The following TAF2 variants were observed in gnomAD, a reference collection of about 807,000 sequenced individuals.
The protein encoded by TAF2 is transcription initiation factor TFIID subunit 2.
A neutral mutation model predicts 138.5 loss-of-function variants in TAF2; 61 were observed. The observed-to-expected ratio is 0.44, with a 90% CI of 0.36 to 0.54. The LOEUF (loss-of-function observed/expected upper bound fraction) is 0.54, where lower values mean the gene tolerates loss of function less well. Ranked by LOEUF, TAF2 falls within the 20% of genes least tolerant of loss-of-function variation. The probability of loss-of-function intolerance (pLI) is 0.00; values close to 1 mark genes in which losing one functional copy is unlikely to be tolerated. For synonymous variants in TAF2, 475 were observed against 469.9 expected (o/e 1.01, Z -0.14); for missense variants, 1,090 against 1,427.9 (o/e 0.76, Z 3.81).
chr8:119,780,387 T>C (rs1302511025), intron 17 of TAF2, among the ~76,000 whole-genome samples: 1 of 152,212 alleles, frequency 6.6e-6, no homozygotes, highest in Non-Finnish European at 1.5e-5. Context: ...CTTATGCATG[T>C]GCAAACTGCT....
chr8:119,743,698 G>A (rs911254181), intron 24 of TAF2, among the ~76,000 whole-genome samples: 4 of 151,810 alleles, frequency 2.6e-5, no homozygotes, highest in East Asian at 1.9e-4. Flanking sequence ...AATACATTTC[G>A]GGAAATTTAT....
chr8:119,765,942 C>T (rs1415897299), intron 18 of TAF2, among the ~76,000 whole-genome samples: 2 of 152,050 alleles, frequency 1.3e-5, no homozygotes, highest in African/African-American at 4.8e-5. Context: ...GTAATTTGCT[C>T]AAGATGACAC....
At chr8:119,829,619 C>T (rs1826316434) in intron 2 of TAF2, among the ~76,000 whole-genome samples, 1 of 151,686 alleles carries the variant, frequency 6.6e-6, no homozygotes, top group African/African-American at 2.4e-5. Flanking sequence ...AGATCCTAAC[C>T]CATACAACAT....
intron 19 of TAF2, among the ~76,000 whole-genome samples, chr8:119,762,019 T>C (rs1178305269): frequency 1.3e-5 from 2 of 152,170 alleles, no homozygotes; most frequent in Admixed American, 6.5e-5. Context: ...AACTGCATGA[T>C]AGCCATATAA....
intron 24 of TAF2, among the ~76,000 whole-genome samples, chr8:119,744,079 A>G (rs1197365797): frequency 6.6e-6 from 1 of 152,226 alleles, no homozygotes; most frequent in Non-Finnish European, 1.5e-5. Context: ...GCAAATACTT[A>G]AAAAGGACCA....
At chr8:119,755,307 G>A (rs1820624783) in intron 22 of TAF2, among the ~76,000 whole-genome samples, 1 of 152,136 alleles carries the variant, frequency 6.6e-6, no homozygotes, top group African/African-American at 2.4e-5. Flanking sequence ...GACCAGCCTG[G>A]CCAACATAGT....
At chr8:119,806,234 G>C (rs1349581860) in intron 4 of TAF2, 49 bp downstream of exon 4, 1 of 1,476,560 alleles carries the variant, frequency 6.8e-7, no homozygotes, top group Non-Finnish European at 9.5e-7. Flanking sequence ...TCTAGTGTCT[G>C]AATCTAACGT....
chr8:119,779,283 T>TACACACAC (rs1247537822), intron 17 of TAF2, among the ~76,000 whole-genome samples: 7 of 109,344 alleles, frequency 6.4e-5, no homozygotes, highest in Non-Finnish European at 1.2e-4. Context: ...CACACACACT[T>TACACACAC]CAGATGCAAC....
chr8:119,787,404 C>T (rs1823095938), intron 14 of TAF2, among the ~76,000 whole-genome samples: 1 of 149,516 alleles, frequency 6.7e-6, no homozygotes, highest in South Asian at 2.1e-4. Context: ...AAAAAAAAAC[C>T]CAACCCCATC....
At position 119,788,197 on chromosome 8, in the gene TAF2, C is replaced by T. The variant is rs1823160808; in HGVS notation, c.1793+141G>A. On this transcript the variant is annotated intron_variant, in intron 14 of 25. Transcript: ENST00000378164. ...GCACGTGTACACCTATGTAACAAAC[C>T]TGCATGTTCTGCACATGTATCCCAC... is the stretch of plus-strand genomic sequence containing the variant. 3 of 698,532 alleles carry T rather than the reference C, an allele frequency of 4.3e-6. No individual in the cohort carries two copies. The South Asian group carries it at 4.8e-5, about 11-fold the overall frequency. 43.3% of individuals were successfully genotyped at this position (698,532 alleles called of 1,614,324 possible).
In TAF2 at chr8:119,734,633, C is replaced by T. The variant is rs116534005; in HGVS notation, c.3338-2447G>A. ...TTCCTTATTTCTTGTCTAACTGATA[C>T]ACTCATTTAATAAACATCAGAAACT... is the stretch of plus-strand genomic sequence containing the variant. On this transcript the variant is annotated intron_variant, in intron 25 of 25. Coordinates refer to ENST00000378164, the MANE Select transcript of TAF2 (RefSeq NM_003184.4). 2.9e-3 allele frequency among the ~76,000 whole-genome samples: 436 copies of T among 152,212 alleles called. 4 individuals carry two copies. Among genetic ancestry groups the T allele is most frequent in the African/African-American group, 9.6e-3 (399 of 41,530 alleles).
chr8:119,797,592 C>T (rs988006252), intron 7 of TAF2, 70 bp downstream of exon 7: 8 of 1,480,184 alleles, frequency 5.4e-6, no homozygotes, highest in Middle Eastern at 1.7e-4. Context: ...TAAAATTGAC[C>T]GCAAAATCAG....
intron 2 of TAF2, among the ~76,000 whole-genome samples, chr8:119,829,175 G>A (rs965366896): frequency 6.6e-6 from 1 of 152,100 alleles, no homozygotes; most frequent in Non-Finnish European, 1.5e-5. Context: ...AATACCCTAC[G>A]AGTTGCATTA....
intron 3 of TAF2, among the ~76,000 whole-genome samples, chr8:119,813,862 T>C (rs986732223): frequency 5.9e-5 from 9 of 152,276 alleles, no homozygotes; most frequent in African/African-American, 1.7e-4. Context: ...ATGCCTGTAA[T>C]TGCAGCACTT....
At chr8:119,828,457 G>A (rs992680450) in intron 2 of TAF2, among the ~76,000 whole-genome samples, 1 of 152,136 alleles carries the variant, frequency 6.6e-6, no homozygotes, top group African/African-American at 2.4e-5. Context: ...GAAATCTAGA[G>A]GATTCCCTCA....
intron 19 of TAF2, 106 bp from the exon 20 acceptor site, chr8:119,760,844 T>C: frequency 2.0e-6 from 3 of 1,480,358 alleles, no homozygotes; most frequent in Non-Finnish European, 2.8e-6. Context: ...TAAAAACTGA[T>C]GTGATTTTAA....
In TAF2 at chr8:119,825,787, C is replaced by CA. The variant is rs576608686; in HGVS notation, c.138+5889_138+5890insT. Among the ~76,000 whole-genome samples, 441 of 152,160 alleles carry CA rather than the reference C, an allele frequency of 2.9e-3. 4 individuals are homozygous for CA. Among genetic ancestry groups the CA allele is most frequent in the African/African-American group, 9.7e-3 (401 of 41,508 alleles). The stretch of plus-strand genomic sequence containing the variant: ...GCAAGCTCTGCCTCCTGTGTTCACA[C>CA]CATTCTCCTGCCTCAGCCTCCTGAG... On this transcript the variant is annotated intron_variant, in intron 2 of 25. Coordinates refer to ENST00000378164, the MANE Select transcript of TAF2 (RefSeq NM_003184.4).
intron 25 of TAF2, among the ~76,000 whole-genome samples, chr8:119,735,037 G>C (rs1819134842): frequency 6.6e-6 from 1 of 152,184 alleles, no homozygotes. Context: ...AGGGAATTAA[G>C]TCAAAGAGAG....
intron 18 of TAF2, among the ~76,000 whole-genome samples, chr8:119,769,056 T>C (rs565332935): frequency 4.7e-4 from 72 of 152,242 alleles, no homozygotes; most frequent in Non-Finnish European, 9.0e-4. Flanking sequence ...TGCATTTCAC[T>C]AGGAGCTCCA....
Sources: allele counts gnomAD v4.1 joint callset (sites outside exome capture counted in the v4.1 genomes callset), GRCh38; gene constraint gnomAD v4.1.1; transcripts MANE v1.5; gene names NCBI Gene and HGNC (gene_info 2026-07-23, HGNC 2026-07-21).